AFG1L: variants seen among roughly 807,000 people sequenced by gnomAD.
AFG1L encodes the protein AFG1 like ATPase.
In AFG1L, 53 loss-of-function variants were observed where a neutral mutation model predicts 62.2. That is an observed-to-expected ratio of 0.85 (90% CI 0.68 to 1.07). AFG1L has a LOEUF of 1.07. AFG1L is among the 50% of genes least tolerant of loss of function. AFG1L has a pLI of 0.00. For synonymous variants in AFG1L, 228 were observed against 210.3 expected (o/e 1.08, Z -0.73); for missense variants, 555 against 590.5 (o/e 0.94, Z 0.62).
chr6:108,498,987 T>C (rs969111273), intron 10 of AFG1L, among the ~76,000 whole-genome samples: 1 of 151,932 alleles, frequency 6.6e-6, no homozygotes, highest in Non-Finnish European at 1.5e-5. Context: ...AATATATATA[T>C]ACATGAAATA....
chr6:108,410,907 G>A (rs993967037), intron 7 of AFG1L, among the ~76,000 whole-genome samples: 2 of 152,086 alleles, frequency 1.3e-5, no homozygotes, highest in African/African-American at 2.4e-5. Flanking sequence ...CTGAGGTATC[G>A]GGTTCATCTC....
intron 2 of AFG1L, among the ~76,000 whole-genome samples, chr6:108,327,721 C>T (rs1165378336): frequency 6.6e-6 from 1 of 152,202 alleles, no homozygotes; most frequent in Non-Finnish European, 1.5e-5. Context: ...ATAGCACCCA[C>T]TTATTTTGTT....
At chr6:108,356,516 A>G (rs1779294086) in intron 4 of AFG1L, among the ~76,000 whole-genome samples, 174 bp from the exon 5 acceptor site, 1 of 152,166 alleles carries the variant, frequency 6.6e-6, no homozygotes, top group African/African-American at 2.4e-5. Flanking sequence ...ATTTGAACCA[A>G]CTTATTTTGT....
rs74298474 is a variant in AFG1L at position 108,436,472 on chromosome 6, C to T, written c.808-10742C>T. 3.3e-5 allele frequency among the ~76,000 whole-genome samples: 5 copies of T among 152,154 alleles called. No individual in the cohort carries two copies. In the East Asian group the frequency reaches 7.7e-4, roughly 23 times the overall value. ...TTAGGTTTTAAACAAATAAACCAAT[C>T]TGTTTATTGCAACGTAGCTATTTCT... On this transcript the variant is annotated intron_variant, in intron 7 of 12. Coordinates refer to ENST00000368977, the MANE Select transcript of AFG1L (RefSeq NM_145315.5).
intron 1 of AFG1L, among the ~76,000 whole-genome samples, chr6:108,295,473 T>C (rs1011905567): frequency 6.6e-6 from 1 of 152,076 alleles, no homozygotes; most frequent in Admixed American, 6.6e-5. Context: ...TCCGGGACGT[T>C]TAGAGAGCTG....
chr6:108,436,258 T>G (rs1771303142), intron 7 of AFG1L, among the ~76,000 whole-genome samples: 1 of 151,916 alleles, frequency 6.6e-6, no homozygotes, highest in Non-Finnish European at 1.5e-5. Context: ...GATTTTCCTG[T>G]CTCAGCCTCC....
intron 6 of AFG1L, among the ~76,000 whole-genome samples, chr6:108,399,777 T>C (rs1324426056): frequency 8.2e-6 from 1 of 121,762 alleles, no homozygotes; most frequent in African/African-American, 3.1e-5. Context: ...CTCTTTTTTT[T>C]TTTTTTTTTT....
intron 6 of AFG1L, among the ~76,000 whole-genome samples, chr6:108,383,981 A>G (rs1334589588): frequency 6.6e-6 from 1 of 151,806 alleles, no homozygotes; most frequent in Non-Finnish European, 1.5e-5. Flanking sequence ...GTAAGGCCAT[A>G]GCCAAATGAT....
At chr6:108,301,525 G>T (rs1404081433) in intron 1 of AFG1L, among the ~76,000 whole-genome samples, 3 of 152,222 alleles carry the variant, frequency 2.0e-5, no homozygotes, top group Non-Finnish European at 2.9e-5. Flanking sequence ...GAGGAGCTCA[G>T]TCAGAAAGCG....
At chr6:108,301,414 G>A (rs1389937653) in intron 1 of AFG1L, among the ~76,000 whole-genome samples, 2 of 152,132 alleles carry the variant, frequency 1.3e-5, no homozygotes, top group Non-Finnish European at 2.9e-5. Flanking sequence ...CTTAATAAGT[G>A]TTGAAGAGAA....
chr6:108,300,545 G>GT (rs1322951562), intron 1 of AFG1L, among the ~76,000 whole-genome samples: 2 of 151,946 alleles, frequency 1.3e-5, no homozygotes, highest in African/African-American at 4.8e-5. Flanking sequence ...TACATATTTT[G>GT]TTTCTCTTTT....
rs138448379 is a variant in AFG1L, at chr6:108,433,455, T to A, written c.808-13759T>A. Among the ~76,000 whole-genome samples, 9 of 148,222 alleles carry A rather than the reference T, an allele frequency of 6.1e-5. No individual in the cohort carries two copies. The East Asian group carries it at 1.8e-3, about 29-fold the overall frequency. On this transcript the variant is annotated intron_variant, in intron 7 of 12. Coordinates refer to ENST00000368977, the MANE Select transcript of AFG1L (RefSeq NM_145315.5). ...CCACCACACCCAGCTAATTTTTGTATTTTTTTTTTGGTAGAGACGGGATTT... is the reference window on the plus strand; with the variant it reads ...CCACCACACCCAGCTAATTTTTGTAATTTTTTTTTGGTAGAGACGGGATTT...
At chr6:108,463,512 G>A (rs566372526) in intron 8 of AFG1L, among the ~76,000 whole-genome samples, 5 of 151,446 alleles carry the variant, frequency 3.3e-5, no homozygotes, top group African/African-American at 1.2e-4. Flanking sequence ...TAGATGTCAT[G>A]GTACTGATTT....
At chr6:108,350,680 T>C (rs996850178) in intron 3 of AFG1L, among the ~76,000 whole-genome samples, 2 of 152,248 alleles carry the variant, frequency 1.3e-5, no homozygotes, top group Admixed American at 1.3e-4. Flanking sequence ...CAACAGAGCC[T>C]CAGCTCTTGA....
intron 7 of AFG1L, among the ~76,000 whole-genome samples, chr6:108,445,691 T>G (rs1312198625): frequency 7.2e-6 from 1 of 138,024 alleles, no homozygotes; most frequent in African/African-American, 2.9e-5. Context: ...AAACAGCCAG[T>G]TGGTATAGCA....
At chr6:108,419,929 C>G (rs73763121) in intron 7 of AFG1L, among the ~76,000 whole-genome samples, 4,680 of 152,180 alleles carry the variant, frequency 0.031, 217 homozygotes, top group African/African-American at 0.11. Context: ...CTTTGTCCAG[C>G]CATCTGCATT....
At chr6:108,315,348 G>A (rs1182033888) in intron 1 of AFG1L, among the ~76,000 whole-genome samples, 1 of 152,114 alleles carries the variant, frequency 6.6e-6, no homozygotes, top group Non-Finnish European at 1.5e-5. Flanking sequence ...TCTCATGGGT[G>A]ACTCCTTTTG....
chr6:108,439,427 A>G (rs1346710947), intron 7 of AFG1L, among the ~76,000 whole-genome samples: 3 of 152,184 alleles, frequency 2.0e-5, no homozygotes, highest in African/African-American at 7.2e-5. Flanking sequence ...ATATTTTATT[A>G]AATATATGAA....
intron 1 of AFG1L, among the ~76,000 whole-genome samples, chr6:108,309,163 C>T (rs1005002608): frequency 2.6e-5 from 4 of 152,124 alleles, no homozygotes; most frequent in African/African-American, 9.7e-5. Flanking sequence ...TATGATACCT[C>T]TGGAATTAAG....
Sources: gnomAD v4.1 joint callset for allele counts (sites outside exome capture counted in the v4.1 genomes callset) on GRCh38, gnomAD v4.1.1 for gene constraint, MANE v1.5 for transcripts, NCBI Gene and HGNC (gene_info 2026-07-23, HGNC 2026-07-21) for gene names.